FAAH2: variants seen among roughly 807,000 people sequenced by gnomAD.
The protein encoded by FAAH2 is fatty-acid amide hydrolase 2.
FAAH2 carries 60 observed loss-of-function variants against 36.9 expected under a neutral mutation model. That is an observed-to-expected ratio of 1.63 (90% CI 1.32 to 2.02). FAAH2 has a LOEUF of 2.02. FAAH2 is among the 30% of genes most tolerant of loss of function. The pLI, the probability that FAAH2 is intolerant of heterozygous loss-of-function variation, is 0.00. For synonymous variants in FAAH2, 214 were observed against 143.8 expected (o/e 1.49, Z -3.49); for missense variants, 689 against 397.5 (o/e 1.73, Z -6.23).
chrX:57,162,956 G>T, the FAAH2 span, among the ~76,000 whole-genome samples: 1 of 112,335 alleles, frequency 8.9e-6, no homozygotes, highest in African/African-American at 3.2e-5. Flanking sequence ...AGAGTTTCCA[G>T]TTTTTCTGTT....
the FAAH2 span, among the ~76,000 whole-genome samples, chrX:57,217,797 G>C: frequency 9.0e-6 from 1 of 111,646 alleles, no homozygotes; most frequent in Non-Finnish European, 1.9e-5. Context: ...TTTTAGAATT[G>C]TTTTTTCTAA....
the FAAH2 span, among the ~76,000 whole-genome samples, chrX:57,185,232 GC>G: frequency 9.1e-6 from 1 of 109,924 alleles, no homozygotes; most frequent in Non-Finnish European, 1.9e-5. Flanking sequence ...CCACCCCTCA[GC>G]CCCAGCACTA....
chrX:57,229,915 G>C, the FAAH2 span, among the ~76,000 whole-genome samples: 2 of 111,586 alleles, frequency 1.8e-5, no homozygotes, highest in African/African-American at 3.3e-5. Flanking sequence ...CTGTAGATAA[G>C]ATTTCATATA....
At chrX:57,302,865 T>G (rs1368222425) in intron 2 of FAAH2, among the ~76,000 whole-genome samples, 1 of 111,140 alleles carries the variant, frequency 9.0e-6, no homozygotes, top group African/African-American at 3.3e-5. Flanking sequence ...GAAGCAAGGG[T>G]AAGGATTTTT....
At chrX:57,472,502 A>G (rs1202471823) in intron 10 of FAAH2, among the ~76,000 whole-genome samples, 1 of 111,589 alleles carries the variant, frequency 9.0e-6, no homozygotes, top group African/African-American at 3.2e-5. Flanking sequence ...AATGATTTAG[A>G]GAGGTATTCC....
chrX:57,331,812 G>A lies in FAAH2; in HGVS notation c.622+5G>A, dbSNP rs2053416366. Reference sequence around the variant, plus strand: ...ATATTGTAGGTGGAAGTTCTGGTGAGTTGGACATTTTAGTATGGCATGAAT... The same window carrying A: ...ATATTGTAGGTGGAAGTTCTGGTGAATTGGACATTTTAGTATGGCATGAAT... On this transcript the variant is annotated splice_donor_5th_base_variant and intron_variant, in intron 4 of 10. Transcript: ENST00000374900. 5.8e-6 allele frequency: 7 copies of A among 1,202,555 alleles called. No individual in the cohort carries two copies. Among genetic ancestry groups the A allele is most frequent in the Non-Finnish European group, 1.1e-6 (1 of 888,854 alleles).
rs932926939 is a variant in FAAH2 at position 57,367,040 on chromosome X, G to A, written c.743-11611G>A. Among the ~76,000 whole-genome samples, 3 of 112,397 alleles carry A rather than the reference G, an allele frequency of 2.7e-5. No homozygotes were observed. In the East Asian group the frequency reaches 8.4e-4, roughly 31 times the overall value. ...GTTCTCCTTGCTAGCTCAGGTGTAC[G>A]TGGTGGTTGTGTGTCAAATGTCTTT... On this transcript the variant is annotated intron_variant, in intron 5 of 10. Transcript: ENST00000374900.
intron 5 of FAAH2, among the ~76,000 whole-genome samples, chrX:57,373,626 C>T (rs992380436): frequency 2.7e-5 from 3 of 111,020 alleles, no homozygotes; most frequent in Non-Finnish European, 3.8e-5. Flanking sequence ...GATATTAGTC[C>T]TTTGGCAGAT....
chrX:57,299,865 AAG>A (rs957722008), intron 2 of FAAH2, among the ~76,000 whole-genome samples: 5 of 111,662 alleles, frequency 4.5e-5, no homozygotes, highest in African/African-American at 1.6e-4. Flanking sequence ...AATTGCTTCA[AAG>A]AGAATAAAAT....
At chrX:57,324,789 G>C (rs993327003) in intron 3 of FAAH2, among the ~76,000 whole-genome samples, 7 of 112,107 alleles carry the variant, frequency 6.2e-5, no homozygotes, top group Non-Finnish European at 1.3e-4. Flanking sequence ...TCTGCAAACA[G>C]GGACAATTTG....
At chrX:57,479,708 T>G (rs1316897700) in intron 10 of FAAH2, among the ~76,000 whole-genome samples, 1 of 111,716 alleles carries the variant, frequency 9.0e-6, no homozygotes, top group Non-Finnish European at 1.9e-5. Flanking sequence ...AGGTGTTGAA[T>G]TTTGTCAAAG....
chrX:57,316,471 CTA>C (rs1479543959), intron 3 of FAAH2, among the ~76,000 whole-genome samples: 1 of 111,836 alleles, frequency 8.9e-6, no homozygotes, highest in Non-Finnish European at 1.9e-5. Flanking sequence ...CCACTTAAAA[CTA>C]TATTATAAAG....
At chrX:57,348,803 G>C (rs1244312192) in intron 5 of FAAH2, among the ~76,000 whole-genome samples, 2 of 109,917 alleles carry the variant, frequency 1.8e-5, no homozygotes, top group Non-Finnish European at 1.9e-5. Context: ...CCTAAGGAAA[G>C]TAAATTTAAA....
At chrX:57,389,609 TTATC>T (rs763765012) in intron 7 of FAAH2, among the ~76,000 whole-genome samples, 4 of 110,510 alleles carry the variant, frequency 3.6e-5, no homozygotes, top group Non-Finnish European at 7.6e-5. Context: ...AGCATTTTCT[TTATC>T]CATCCATCAA....
intron 10 of FAAH2, among the ~76,000 whole-genome samples, chrX:57,469,122 T>C (rs547237058): frequency 1.8e-5 from 2 of 111,867 alleles, no homozygotes; most frequent in East Asian, 2.8e-4. Context: ...AAGGAACAAC[T>C]GGTAACAGCC....
rs751139843 is a variant in FAAH2, at chrX:57,448,608, A to T, written c.1313A>T (p.Glu438Val). Residue 438 changes from glutamate (E) to valine (V), a missense_variant, in exon 10 of 11, where the codon GAG becomes GTG. Physicochemically the swap from Glu to Val is moderately radical, Grantham distance 121. Coordinates refer to ENST00000374900, the MANE Select transcript of FAAH2 (RefSeq NM_174912.4). ...FKAVEESLRK[E>V]LVDMLGDDGV... Reference sequence around the variant, plus strand: ...GCAGTGGAAGAAAGCCTGCGTAAAGAGCTGGTGGATATGCTAGGTGATGAT... The same window carrying T: ...GCAGTGGAAGAAAGCCTGCGTAAAGTGCTGGTGGATATGCTAGGTGATGAT... 20 of 1,211,603 alleles carry T rather than the reference A, an allele frequency of 1.7e-5. No homozygotes were observed. The South Asian group carries it at 2.3e-4, about 14-fold the overall frequency.
chrX:57,466,146 C>CTA (rs1223504176), intron 10 of FAAH2, among the ~76,000 whole-genome samples: 2 of 79,786 alleles, frequency 2.5e-5, no homozygotes, highest in East Asian at 3.9e-4. Flanking sequence ...CTCTCTCTCT[C>CTA]TCTCTCTCTC....
chrX:57,399,556 G>T (rs1299176820), intron 7 of FAAH2, among the ~76,000 whole-genome samples: 1 of 111,443 alleles, frequency 9.0e-6, no homozygotes, highest in African/African-American at 3.3e-5. Context: ...CTTATGGAGG[G>T]TCCTGCCTTG....
At chrX:57,366,388 G>A (rs1458669027) in intron 5 of FAAH2, among the ~76,000 whole-genome samples, 1 of 111,961 alleles carries the variant, frequency 8.9e-6, no homozygotes, top group Non-Finnish European at 1.9e-5. Flanking sequence ...TTGTTCTTTT[G>A]CCCCTTGGGG....
Sources: allele counts gnomAD v4.1 joint callset (sites outside exome capture counted in the v4.1 genomes callset), GRCh38; gene constraint gnomAD v4.1.1; transcripts MANE v1.5; gene names NCBI Gene and HGNC (gene_info 2026-07-23, HGNC 2026-07-21).